Variants in INTS1 observed in about 807,000 individuals in gnomAD.
INTS1 encodes the protein integrator complex subunit 1.
Under a neutral mutation model 241.6 loss-of-function variants are expected in INTS1, and 137 were observed. The ratio of observed to expected loss-of-function variants is 0.57; its 90% CI spans 0.49 to 0.65. INTS1 has a LOEUF of 0.65. INTS1 is among the 30% of genes least tolerant of loss of function. The pLI, the probability that INTS1 is intolerant of heterozygous loss-of-function variation, is 0.00. For synonymous variants in INTS1, 1,692 were observed against 1,337.8 expected, an observed-to-expected ratio of 1.26 and a Z score of -5.78; for missense variants, 3,073 against 3,032.2, an observed-to-expected ratio of 1.01 and a Z score of -0.32.
At chr7:1,473,033 C>G in intron 43 of INTS1, 39 bp downstream of exon 43, 1 of 1,414,796 alleles carries the variant, frequency 7.1e-7, no homozygotes, top group Non-Finnish European at 9.8e-7. Flanking sequence ...TAGGACTGTT[C>G]CGCAGCTGCT....
chr7:1,500,191 G>A lies in INTS1; in HGVS notation c.525C>T (p.Phe175=), dbSNP rs750181130. ...MYLAKIKPNI[F]ATEGVIEALC... ...AAACCTCAATGACGCCCTCAGTGGC[G>A]AAGATGTTGGGCTTGATCTTGGCCA... is the stretch of plus-strand genomic sequence containing the variant. The change falls in exon 4 of 48, where the codon TTC becomes TTT. Residue 175 remains phenylalanine, a synonymous_variant. Coordinates refer to ENST00000404767, the MANE Select transcript of INTS1 (RefSeq NM_001080453.3). The A allele has an allele frequency of 2.2e-5, 35 of 1,596,138 alleles. No individual in the cohort carries two copies. Among genetic ancestry groups the A allele is most frequent in the Non-Finnish European group, 2.7e-5 (31 of 1,168,510 alleles).
chr7:1,502,864 G>A (rs755203975), intron 3 of INTS1, 37 bp downstream of exon 3: 156 of 1,608,604 alleles, frequency 9.7e-5, no homozygotes, highest in Middle Eastern at 8.2e-4. Context: ...GGCATGAGCT[G>A]AGGGGTGTTC....
chr7:1,471,472 G>A (rs1781464494), intron 45 of INTS1, 99 bp downstream of exon 45: 17 of 1,343,206 alleles, frequency 1.3e-5, no homozygotes, highest in South Asian at 1.2e-4. Context: ...AGGACTCCCT[G>A]GGGCTCAGCG....
Position 1,499,508 on chromosome 7 carries a change from C to G in INTS1, c.809G>C (p.Gly270Ala). The change falls in exon 6 of 48, where the codon GGG (glycine) becomes GCG (alanine). Residue 270 changes from glycine to alanine, a missense_variant. Physicochemically the swap from Gly to Ala is moderately conservative, Grantham distance 60. Coordinates refer to ENST00000404767, the MANE Select transcript of INTS1 (RefSeq NM_001080453.3). ...GTCGCCCGCAACGCGGCCCGCCTCC[C>G]CCTGCAGCAGCACGCTCCTGGGGGG... The part of the protein sequence containing the change: ...RMPPRSVLLQ[G>A]EAGRVAGDLG... The G allele has an allele frequency of 6.2e-7, 1 of 1,611,212 alleles. No individual in the cohort carries two copies. Among genetic ancestry groups the G allele is most frequent in the Non-Finnish European group, 8.5e-7 (1 of 1,178,694 alleles).
Position 1,477,556 on chromosome 7 carries a change from C to A in INTS1, c.4932G>T (p.Arg1644=). The A allele has an allele frequency of 6.6e-7, 1 of 1,520,326 alleles. No homozygotes were observed. The allele number at this position is 1,520,326 out of a possible 1,614,324, so 94.2% of individuals were successfully genotyped here. Residue 1644 remains arginine, a synonymous_variant, in exon 35 of 48, where the codon CGG becomes CGT. Transcript: ENST00000404767. ...PDLQLRLLFS[R]RKGKGQAQVP... Reference sequence around the variant, plus strand: ...GAAGCTGGGTGCCACCCACCTTCCTCCGGGAGAAGAGCAGCCTGAGCTGCA... The same window carrying A: ...GAAGCTGGGTGCCACCCACCTTCCTACGGGAGAAGAGCAGCCTGAGCTGCA...
At chr7:1,501,811 C>T (rs138995965) in intron 3 of INTS1, among the ~76,000 whole-genome samples, 1 of 152,288 alleles carries the variant, frequency 6.6e-6, no homozygotes, top group Non-Finnish European at 1.5e-5. Context: ...CAACTGAGTC[C>T]AGCACAAACA....
intron 22 of INTS1, 27 bp from the exon 23 acceptor site, chr7:1,485,496 C>T (rs766396126): frequency 2.7e-5 from 43 of 1,605,722 alleles, no homozygotes; most frequent in Middle Eastern, 1.6e-4. Context: ...TGAGCTGGGC[C>T]GGCTTTCGGC....
chr7:1,492,557 GCA>G (rs1782609170), intron 16 of INTS1, among the ~76,000 whole-genome samples: 1 of 152,172 alleles, frequency 6.6e-6, no homozygotes, highest in Admixed American at 6.5e-5. Context: ...ACATGGAATT[GCA>G]CACTTTAGAT....
At chr7:1,494,940 G>A (rs1477608708) in intron 13 of INTS1, 47 bp from the exon 14 acceptor site, 1 of 1,543,894 alleles carries the variant, frequency 6.5e-7, no homozygotes, top group Admixed American at 2.0e-5. Flanking sequence ...GGTGCTCAGG[G>A]ACCAGCCCCG....
rs1244424422 is a variant in INTS1, at chr7:1,474,740, C to T, written c.5601G>A (p.Arg1867=). 1 of 1,563,822 alleles carries T rather than the reference C, an allele frequency of 6.4e-7. No homozygotes were observed. The highest frequency in any genetic ancestry group is 1.4e-5 in the African/African-American group (1 of 73,862). Residue 1867 remains arginine (R), a synonymous_variant, in exon 40 of 48, where the codon CGG becomes CGA. Coordinates refer to ENST00000404767, the MANE Select transcript of INTS1 (RefSeq NM_001080453.3). The stretch of plus-strand genomic sequence containing the variant: ...GCAGCGGGTGCGCCACCGCCAGCTT[C>T]CGGCAGGCCATGCTGGCATCCGCCC... ...NRGADASMAC[R]KLAVAHPLLL... is the part of the protein sequence containing the mutation.
chr7:1,495,247 CAG>C (rs1409290846), intron 13 of INTS1, among the ~76,000 whole-genome samples, 184 bp downstream of exon 13: 1 of 152,218 alleles, frequency 6.6e-6, no homozygotes, highest in Non-Finnish European at 1.5e-5. Flanking sequence ...CTGCTGTCCG[CAG>C]AGAGGGGACA....
In INTS1 at chr7:1,479,445, C is replaced by T; in HGVS notation, c.4314G>A (p.Gln1438=). The change falls in exon 31 of 48, where the codon CAG becomes CAA. Residue 1438 remains glutamine, a synonymous_variant. Transcript: ENST00000404767. ...GCCCAAGTACCTGGTACTGGCAGAG[C>T]TGGCGCAGCAGCGGGCAGGCCAGGA... The part of the protein sequence containing the change: ...SHFLACPLLR[Q]LCQYQRCVPQ... 1 of 1,578,414 alleles carries T rather than the reference C, an allele frequency of 6.3e-7. No individual in the cohort carries two copies. Among genetic ancestry groups the T allele is most frequent in the East Asian group, 2.3e-5 (1 of 43,006 alleles).
intron 12 of INTS1, 55 bp downstream of exon 12, chr7:1,496,101 C>T: frequency 7.0e-7 from 1 of 1,420,032 alleles, no homozygotes; most frequent in Non-Finnish European, 9.9e-7. Flanking sequence ...CGCCAGCCAC[C>T]AGCCTGGACC....
In INTS1 at chr7:1,493,941, T is replaced by C. The variant is rs778285205; in HGVS notation, c.1911-30A>G. 1 of 1,541,562 alleles carries C rather than the reference T, an allele frequency of 6.5e-7. No homozygotes were observed. Among genetic ancestry groups the C allele is most frequent in the Middle Eastern group, 1.7e-4 (1 of 5,868 alleles). On this transcript the variant is annotated intron_variant, in intron 14 of 47. Transcript: ENST00000404767. This position sits in a 1 kb window ranked among gnomAD's most constrained non-coding sequence, Gnocchi z 5.3. Reference sequence around the variant, plus strand: ...GGGGTGGGGGAGGCATGACTCGGTGTGGGCTGCCCACACCTGCCAGACCTG... The same window carrying C: ...GGGGTGGGGGAGGCATGACTCGGTGCGGGCTGCCCACACCTGCCAGACCTG...
chr7:1,489,285 G>T (rs929632647), intron 18 of INTS1, 59 bp downstream of exon 18: 4 of 1,531,670 alleles, frequency 2.6e-6, no homozygotes, highest in African/African-American at 1.4e-5. Flanking sequence ...CAGCCCCAGC[G>T]GAACGAGACC....
In INTS1 at chr7:1,476,171, C is replaced by G. The variant is rs1309682893; in HGVS notation, c.5378+58G>C. 6 of 1,527,936 alleles carry G rather than the reference C, an allele frequency of 3.9e-6. No homozygotes were observed. In the Admixed American group the frequency reaches 1.2e-4, roughly 30 times the overall value. 94.6% of individuals were successfully genotyped at this position (1,527,936 alleles called of 1,614,324 possible). ...GATGGGAACCCACCCAGGGCTGGGC[C>G]TCGACCCCCTCCATGGCTCACTCCC... On this transcript the variant is annotated intron_variant, in intron 38 of 47. Coordinates refer to ENST00000404767, the MANE Select transcript of INTS1 (RefSeq NM_001080453.3).
rs1220032695 is a variant in INTS1 at position 1,500,425 on chromosome 7, C to T, written c.350-59G>A. 4.2e-6 allele frequency: 6 copies of T among 1,443,390 alleles called. No homozygotes were observed. In the African/African-American group the frequency reaches 5.6e-5, roughly 14 times the overall value. 89.4% of individuals were successfully genotyped at this position (1,443,390 alleles called of 1,614,324 possible). Reference sequence around the variant, plus strand: ...CCAGGGCAGGGTCACCCCAAAGCCTCGGGACACCGGGAAGACCACGAGGAA... The same window carrying T: ...CCAGGGCAGGGTCACCCCAAAGCCTTGGGACACCGGGAAGACCACGAGGAA... On this transcript the variant is annotated intron_variant, in intron 3 of 47. Coordinates refer to ENST00000404767, the MANE Select transcript of INTS1 (RefSeq NM_001080453.3).
chr7:1,482,673 G>A lies in INTS1; in HGVS notation c.3576C>T (p.Ile1192=), dbSNP rs758070995. 1 of 1,612,798 alleles carries A rather than the reference G, an allele frequency of 6.2e-7. No homozygotes were observed. Among genetic ancestry groups the A allele is most frequent in the South Asian group, 1.1e-5 (1 of 91,090 alleles). ...DDSEFQALLD[I]WFPEEKPLPT... is the part of the protein sequence containing the mutation. ...GCAGTGGCTTCTCCTCCGGAAACCA[G>A]ATGTCCAGCAGCGCCTGGAACTCGC... is the stretch of plus-strand genomic sequence containing the variant. The change falls in exon 27 of 48, where the codon ATC becomes ATT. Residue 1192 remains isoleucine, a synonymous_variant. Coordinates refer to ENST00000404767, the MANE Select transcript of INTS1 (RefSeq NM_001080453.3).
At chr7:1,488,173 C>T (rs1782370343) in intron 18 of INTS1, among the ~76,000 whole-genome samples, 1 of 152,206 alleles carries the variant, frequency 6.6e-6, no homozygotes, top group Non-Finnish European at 1.5e-5. Flanking sequence ...CAGCCACTGC[C>T]TCGTCCTCCG....
Sources: allele counts gnomAD v4.1 joint callset (sites outside exome capture counted in the v4.1 genomes callset), GRCh38; gene constraint gnomAD v4.1.1; non-coding constraint Gnocchi (gnomAD v3.1); transcripts MANE v1.5; gene names NCBI Gene and HGNC (gene_info 2026-07-23, HGNC 2026-07-21).